The following PLCB2 variants were observed in gnomAD, a reference collection of about 807,000 sequenced individuals.
The protein encoded by PLCB2 is phospholipase C beta 2.
PLCB2 carries 115 observed loss-of-function variants against 141.7 expected under a neutral mutation model. The observed-to-expected ratio is 0.81, with a 90% CI of 0.70 to 0.95. The LOEUF (loss-of-function observed/expected upper bound fraction) is 0.95. Ranked by LOEUF, PLCB2 falls within the 40% of genes least tolerant of loss-of-function variation. The pLI, the probability that PLCB2 is intolerant of heterozygous loss-of-function variation, is 0.00. For synonymous variants in PLCB2, 603 were observed against 595.6 expected, an observed-to-expected ratio of 1.01 and a Z score of -0.18; for missense variants, 1,403 against 1,541.1, an observed-to-expected ratio of 0.91 and a Z score of 1.50.
At chr15:40,299,031 TC>T in intron 8 of PLCB2, 67 bp from the exon 9 acceptor site, 1 of 1,583,122 alleles carries the variant, frequency 6.3e-7, no homozygotes. Context: ...AACCCCCTTG[TC>T]CAGTGAAGCC....
chr15:40,284,616 C>T (rs1361521806), downstream of PLCB2: 9 of 452,136 alleles, frequency 2.0e-5, no homozygotes, highest in South Asian at 1.4e-4. Flanking sequence ...CCGAGGCGGG[C>T]GGATCACGAG....
chr15:40,298,216 G>T lies in PLCB2; in HGVS notation c.1155+7C>A, dbSNP rs776287939. 2.6e-6 allele frequency: 4 copies of T among 1,546,564 alleles called. No individual in the cohort carries two copies. The highest frequency in any genetic ancestry group is 1.7e-6 in the Non-Finnish European group (2 of 1,144,078). On this transcript the variant is annotated splice_region_variant and intron_variant, in intron 11 of 31. Transcript: ENST00000260402. ...ACGGCCACCAGCCTCTGTGCCCAGG[G>T]TCTCACTTTGAAGAAGATGTCTGTG...
rs532481474 is a variant in PLCB2, at chr15:40,307,324, G to A, written c.84+265C>T. On this transcript the variant is annotated intron_variant, in intron 1 of 31. Transcript: ENST00000260402. ...GGGGGTTTGAAGGAGAAGAGAAGCA[G>A]ACCCAAATAAACTACCTCCAGTGAC... Among the ~76,000 whole-genome samples, 5 of 152,220 alleles carry A rather than the reference G, an allele frequency of 3.3e-5. No homozygotes were observed. In the East Asian group the frequency reaches 7.7e-4, roughly 24 times the overall value.
At chr15:40,287,711 A>G (rs1208669256), downstream of PLCB2, among the ~76,000 whole-genome samples, 1 of 152,148 alleles carries the variant, frequency 6.6e-6, no homozygotes, top group Non-Finnish European at 1.5e-5. Flanking sequence ...TGATTGTGGC[A>G]TCAGGGCCAG....
Position 40,288,129 on chromosome 15 carries a change from A to G in PLCB2, c.*586T>C. 1.0e-6 allele frequency: 1 copy of G among 985,556 alleles called. No individual in the cohort carries two copies. Among genetic ancestry groups the G allele is most frequent in the Non-Finnish European group, 1.2e-6 (1 of 830,008 alleles). 61.1% of individuals were successfully genotyped at this position (985,556 alleles called of 1,614,324 possible). On this transcript the variant is annotated 3_prime_UTR_variant, in exon 32 of 32. Transcript: ENST00000260402. ...CCTTGTGACTCAGCCAAGCAGGGCC[A>G]AGGCAGCTTTTCCATTTCAGCCTCC...
At chr15:40,306,476 G>C (rs892276662) in intron 1 of PLCB2, among the ~76,000 whole-genome samples, 5 of 152,186 alleles carry the variant, frequency 3.3e-5, no homozygotes, top group Non-Finnish European at 5.9e-5. Flanking sequence ...GGAACTGAGA[G>C]AGGCCACTTC....
chr15:40,296,273 G>A (rs918333584), intron 16 of PLCB2, 23 bp downstream of exon 16: 13 of 1,578,094 alleles, frequency 8.2e-6, no homozygotes, highest in African/African-American at 4.0e-5. Context: ...TTACCCACCC[G>A]TAAGTTACTC....
rs2039842579 is a variant in PLCB2, at chr15:40,290,678, G to A, written c.3114-6C>T. 1 of 1,613,202 alleles carries A rather than the reference G, an allele frequency of 6.2e-7. No individual in the cohort carries two copies. Among genetic ancestry groups the A allele is most frequent in the Non-Finnish European group, 8.5e-7 (1 of 1,179,374 alleles). The stretch of plus-strand genomic sequence containing the variant: ...TCTTCATCTCTTTGGTGTCGCTGCA[G>A]AGAGACAGGCATGAAGGAGCTGTTT... On this transcript the variant is annotated splice_region_variant and splice_polypyrimidine_tract_variant and intron_variant, in intron 28 of 31. Coordinates refer to ENST00000260402, the MANE Select transcript of PLCB2 (RefSeq NM_004573.3).
Position 40,307,605 on chromosome 15 carries a change from A to G in PLCB2, c.68T>C (p.Phe23Ser). ...VKAYLSQGER[F>S]IKWDDETTVA... Reference sequence around the variant, plus strand: ...CCCACTTACATCATCCCATTTGATGAAGCGCTCCCCTTGGCTCAGATAGGC... The same window carrying G: ...CCCACTTACATCATCCCATTTGATGGAGCGCTCCCCTTGGCTCAGATAGGC... Residue 23 changes from phenylalanine to serine, a missense_variant, in exon 1 of 32, where the codon TTC (phenylalanine) becomes TCC (serine). By Grantham distance (155) the Phe-to-Ser change is radical. Around this residue, in one of 4 missense-constraint regions of PLCB2, gnomAD observed 975 missense variants for 1,141.1 expected, o/e 0.85. Transcript: ENST00000260402. The G allele has an allele frequency of 6.3e-7, 1 of 1,587,042 alleles. No homozygotes were observed. Among genetic ancestry groups the G allele is most frequent in the Non-Finnish European group, 8.6e-7 (1 of 1,164,782 alleles).
rs181753616 is a variant in PLCB2 at position 40,289,068 on chromosome 15, C to T, written c.3355-150G>A. 35 of 1,235,534 alleles carry T rather than the reference C, an allele frequency of 2.8e-5. No individual in the cohort carries two copies. The East Asian group carries it at 8.6e-4, about 31-fold the overall frequency. 76.5% of individuals were successfully genotyped at this position (1,235,534 alleles called of 1,614,324 possible). A position where few individuals can be genotyped will look rare whatever the true frequency, so the allele number is the denominator to read the frequency against. On this transcript the variant is annotated intron_variant, in intron 31 of 31. Transcript: ENST00000260402. The stretch of plus-strand genomic sequence containing the variant: ...GAGGCAGGGTGGGGGAGTGGTAGAG[C>T]CCATCAGGAGCCTCTCAGGAAAGGG...
At position 40,299,241 on chromosome 15, in the gene PLCB2, TA is replaced by T; in HGVS notation, c.583-14del. On this transcript the variant is annotated splice_polypyrimidine_tract_variant and intron_variant, in intron 7 of 31. Transcript: ENST00000260402. ...TGATGGCGTCATTCTAGGGGCATAG[TA>T]ACCTTATTGCCCCTGCCCTCACCTT... 1 of 1,547,756 alleles carries T rather than the reference TA, an allele frequency of 6.5e-7. No individual in the cohort carries two copies. The highest frequency in any genetic ancestry group is 8.9e-7 in the Non-Finnish European group (1 of 1,119,414).
downstream of PLCB2, chr15:40,284,496 T>G (rs571619453): frequency 8.8e-6 from 4 of 455,982 alleles, no homozygotes; most frequent in East Asian, 2.1e-4. Flanking sequence ...TCTCGGGCCT[T>G]TTAAAGATAG....
At chr15:40,302,834 G>A (rs1450865843) in intron 3 of PLCB2, among the ~76,000 whole-genome samples, 1 of 152,228 alleles carries the variant, frequency 6.6e-6, no homozygotes, top group Non-Finnish European at 1.5e-5. Context: ...CGGGCAGGCG[G>A]GGAGGCCGGC....
At position 40,297,798 on chromosome 15, in the gene PLCB2, G is replaced by A. The variant is rs1489179124; in HGVS notation, c.1238+79C>T. The A allele has an allele frequency of 2.6e-6, 3 of 1,159,612 alleles. No homozygotes were observed. The highest frequency in any genetic ancestry group is 3.9e-6 in the Non-Finnish European group (3 of 773,246). 71.8% of individuals were successfully genotyped at this position (1,159,612 alleles called of 1,614,324 possible). On this transcript the variant is annotated intron_variant, in intron 12 of 31. Transcript: ENST00000260402. The surrounding 1 kb of genome is among the most constrained non-coding windows in gnomAD (Gnocchi z 4.2). ...GCTGTAGGCAATGGTTAGAGGCTGG[G>A]GCAGTTGTGGGGAGGACAGTTGCAG...
chr15:40,292,951 G>A lies in PLCB2; in HGVS notation c.2301C>T (p.Ile767=). Residue 767 remains isoleucine, a synonymous_variant, in exon 21 of 32, where the codon ATC becomes ATT. Coordinates refer to ENST00000260402, the MANE Select transcript of PLCB2 (RefSeq NM_004573.3). ...EEGNKFLGHR[I]IPINALNSGY... ...CAGAATTTAGGGCATTGATGGGGAT[G>A]ATGCGGTGTCCAAGAAACTTGTTGC... is the stretch of plus-strand genomic sequence containing the variant. The A allele has an allele frequency of 6.2e-7, 1 of 1,607,012 alleles. No homozygotes were observed. The highest frequency in any genetic ancestry group is 8.5e-7 in the Non-Finnish European group (1 of 1,176,038).
At chr15:40,299,414 T>C in intron 7 of PLCB2, 186 bp from the exon 8 acceptor site, 1 of 546,290 alleles carries the variant, frequency 1.8e-6, no homozygotes, top group Non-Finnish European at 3.3e-6. Context: ...CATGCTTAGC[T>C]GGTTTGCTCT....
intron 21 of PLCB2, among the ~76,000 whole-genome samples, chr15:40,292,680 T>G (rs114826031): frequency 0.01 from 1,554 of 152,274 alleles, 30 homozygotes; most frequent in African/African-American, 0.036. Context: ...TAGCAAATTT[T>G]AAATGCCCAT....
chr15:40,286,243 C>T (rs544690580), downstream of PLCB2, among the ~76,000 whole-genome samples: 10 of 152,186 alleles, frequency 6.6e-5, no homozygotes, highest in South Asian at 1.9e-3. Context: ...CACCTCCCCT[C>T]CTCTCCCCTC....
intron 7 of PLCB2, chr15:40,300,632 T>C (rs1337084669): frequency 6.6e-6 from 1 of 152,162 alleles, no homozygotes; most frequent in Middle Eastern, 3.2e-3. Context: ...TTGAAAACAT[T>C]ATGAGAAATG....
Sources: gnomAD v4.1 joint callset for allele counts (sites outside exome capture counted in the v4.1 genomes callset) on GRCh38, gnomAD v4.1.1 for gene constraint, gnomAD v4.1.1 regional missense constraint, Gnocchi (gnomAD v3.1) non-coding constraint, MANE v1.5 for transcripts, NCBI Gene and HGNC (gene_info 2026-07-23, HGNC 2026-07-21) for gene names.